The following TRDN variants were observed in gnomAD, a reference collection of about 807,000 sequenced individuals.
TRDN encodes triadin in skeletal muscle.
In TRDN, 161 loss-of-function variants were observed where a neutral mutation model predicts 149.7. The observed-to-expected ratio is 1.08, with a 90% CI of 0.95 to 1.23. The LOEUF is 1.23. Ranked by LOEUF, TRDN falls within the 50% of genes most tolerant of loss-of-function variation. The probability of loss-of-function intolerance (pLI) is 0.00; values close to 1 mark genes in which losing one functional copy is unlikely to be tolerated. For missense variants in TRDN, 896 were observed against 823.5 expected, an observed-to-expected ratio of 1.09 and a Z score of -1.08; for synonymous variants, 294 against 250.5, an observed-to-expected ratio of 1.17 and a Z score of -1.64.
rs886039062 is a variant in TRDN at position 123,438,103 on chromosome 6, C to T, written c.1011G>A (p.Lys337=). The change falls in exon 12 of 41, where the codon AAG becomes AAA. Residue 337 remains lysine, a synonymous_variant. Coordinates refer to ENST00000334268, the MANE Select transcript of TRDN (RefSeq NM_006073.4). ...CAATGGCAGTTTCCTTCTCACTTTT[C>T]TTTTTGATATCTTCTTTTTCTGCTG... ...TKKKEKEDIK[K]KSEKETAIDV... is the part of the protein sequence containing the mutation. 30 of 1,588,274 alleles carry T rather than the reference C, an allele frequency of 1.9e-5. No individual in the cohort carries two copies. Among genetic ancestry groups the T allele is most frequent in the Non-Finnish European group, 2.5e-5 (29 of 1,170,956 alleles).
intron 12 of TRDN, among the ~76,000 whole-genome samples, chr6:123,430,580 CA>C (rs1177535138): frequency 6.6e-6 from 1 of 151,450 alleles, no homozygotes; most frequent in Admixed American, 6.6e-5. Flanking sequence ...GACTCTGTCT[CA>C]AAAAAATAAA....
In TRDN at chr6:123,240,694, T is replaced by C. The variant is rs74774263; in HGVS notation, c.1975+11718A>G. 3.1e-3 allele frequency among the ~76,000 whole-genome samples: 469 copies of C among 152,040 alleles called. 18 individuals are homozygous for C. In the East Asian group the frequency reaches 0.076, roughly 25 times the overall value. ...TTTTGTAAAGTTAAGCAAACAATGT[T>C]TAAAGACTTGTTCTATAACTACATC... is the stretch of plus-strand genomic sequence containing the variant. On this transcript the variant is annotated intron_variant, in intron 38 of 40. Transcript: ENST00000334268.
chr6:123,633,688 T>C (rs1261182919), intron 1 of TRDN, among the ~76,000 whole-genome samples: 1 of 152,104 alleles, frequency 6.6e-6, no homozygotes, highest in African/African-American at 2.4e-5. Flanking sequence ...AGTTCAACTT[T>C]GTCCTATTTC....
chr6:123,387,002 G>T (rs969792068), intron 14 of TRDN, among the ~76,000 whole-genome samples: 1 of 152,136 alleles, frequency 6.6e-6, no homozygotes, highest in Non-Finnish European at 1.5e-5. Flanking sequence ...TTCAGAAAAA[G>T]AATTTAAAAA....
chr6:123,290,701 G>T lies in TRDN; in HGVS notation c.1511-11619C>A, dbSNP rs547377405. ...TGTCAATGTCTGCTGGGCAGTTCAG[G>T]ATTTCTTCCTTTCTAGGTTTATATA... On this transcript the variant is annotated intron_variant, in intron 24 of 40. Transcript: ENST00000334268. 6.6e-5 allele frequency among the ~76,000 whole-genome samples: 10 copies of T among 152,294 alleles called. No homozygotes were observed. The South Asian group carries it at 1.9e-3, about 28-fold the overall frequency.
chr6:123,634,392 G>C (rs947079995), intron 1 of TRDN, among the ~76,000 whole-genome samples: 1 of 151,932 alleles, frequency 6.6e-6, no homozygotes, highest in Non-Finnish European at 1.5e-5. Context: ...AGTGAGCTAT[G>C]ATCATGCCAC....
At chr6:123,356,503 TTATATATATATATA>T (rs71021444) in intron 20 of TRDN, among the ~76,000 whole-genome samples, 7,565 of 106,884 alleles carry the variant, frequency 0.071, 326 homozygotes, top group African/African-American at 0.12. Flanking sequence ...TACAAGAAGT[TTATATATATATATA>T]TATATATATA....
At chr6:123,599,234 C>G (rs879697706) in intron 1 of TRDN, among the ~76,000 whole-genome samples, 1 of 152,050 alleles carries the variant, frequency 6.6e-6, no homozygotes, top group Non-Finnish European at 1.5e-5. Flanking sequence ...ATTCTTTGCT[C>G]TGTACATGAA....
chr6:123,490,962 T>C (rs1778188619), intron 9 of TRDN, among the ~76,000 whole-genome samples: 1 of 151,908 alleles, frequency 6.6e-6, no homozygotes, highest in South Asian at 2.1e-4. Flanking sequence ...AAAAATTAGA[T>C]GGGCACGGTG....
intron 38 of TRDN, among the ~76,000 whole-genome samples, chr6:123,244,360 A>T (rs534557416): frequency 6.6e-6 from 1 of 152,324 alleles, no homozygotes; most frequent in South Asian, 2.1e-4. Flanking sequence ...AAAAGATTAC[A>T]GGAGCTGCTA....
Position 123,413,953 on chromosome 6 carries a change from G to T in TRDN, c.1052-20276C>A, listed in dbSNP as rs1773545107. ...AAGAGTTATCCATTACTAAGTGTTGGTTAGTAAAGGTTCAAGGGGTAACTA... is the reference window on the plus strand; with the variant it reads ...AAGAGTTATCCATTACTAAGTGTTGTTTAGTAAAGGTTCAAGGGGTAACTA... On this transcript the variant is annotated intron_variant, in intron 12 of 40. Transcript: ENST00000334268. Among the ~76,000 whole-genome samples, 3 of 152,152 alleles carry T rather than the reference G, an allele frequency of 2.0e-5. No individual in the cohort carries two copies. In the South Asian group the frequency reaches 6.2e-4, roughly 32 times the overall value.
chr6:123,573,667 G>A (rs1385440377), intron 1 of TRDN, among the ~76,000 whole-genome samples: 1 of 152,068 alleles, frequency 6.6e-6, no homozygotes, highest in East Asian at 1.9e-4. Context: ...AGGCAAAGAG[G>A]AACATACAGT....
At chr6:123,482,534 G>A (rs1018395472) in intron 9 of TRDN, among the ~76,000 whole-genome samples, 1 of 152,116 alleles carries the variant, frequency 6.6e-6, no homozygotes, top group Non-Finnish European at 1.5e-5. Context: ...CTGCCAAGAG[G>A]CTATTTATAA....
intron 22 of TRDN, among the ~76,000 whole-genome samples, chr6:123,333,992 T>C (rs1202847444): frequency 6.6e-6 from 1 of 151,970 alleles, no homozygotes; most frequent in Non-Finnish European, 1.5e-5. Flanking sequence ...CCCTAAGGGA[T>C]AGGAAAATGG....
At chr6:123,400,086 A>C (rs1489588540) in intron 12 of TRDN, among the ~76,000 whole-genome samples, 1 of 150,742 alleles carries the variant, frequency 6.6e-6, no homozygotes, top group East Asian at 1.9e-4. Flanking sequence ...AGACTCTAAG[A>C]AAAATATAGT....
intron 1 of TRDN, among the ~76,000 whole-genome samples, chr6:123,634,263 T>C (rs1786172852): frequency 1.3e-5 from 2 of 151,466 alleles, no homozygotes; most frequent in Admixed American, 1.3e-4. Flanking sequence ...GGAGGTCGTG[T>C]CTTTACAAAA....
At chr6:123,316,526 A>T in intron 23 of TRDN, 31 bp from the exon 24 acceptor site, 1 of 1,600,146 alleles carries the variant, frequency 6.2e-7, no homozygotes, top group East Asian at 2.2e-5. Flanking sequence ...AAACACGTAC[A>T]AACAAAAGGG....
At chr6:123,279,910 G>A (rs1250697546) in intron 24 of TRDN, among the ~76,000 whole-genome samples, 1 of 151,610 alleles carries the variant, frequency 6.6e-6, no homozygotes, top group African/African-American at 2.4e-5. Context: ...ACATAACAGG[G>A]GTCTAATTAC....
At chr6:123,547,297 C>A in intron 4 of TRDN, 43 bp downstream of exon 4, 2 of 1,247,960 alleles carry the variant, frequency 1.6e-6, no homozygotes, top group Non-Finnish European at 2.2e-6. Context: ...CCAATATTAC[C>A]ATAAGAGAAA....
Sources: gnomAD v4.1 joint callset for allele counts (sites outside exome capture counted in the v4.1 genomes callset) on GRCh38, gnomAD v4.1.1 for gene constraint, MANE v1.5 for transcripts, NCBI Gene and HGNC (gene_info 2026-07-23, HGNC 2026-07-21) for gene names.